Variants in VWF observed in about 807,000 individuals in gnomAD.
VWF encodes Factor VIII related antigen.
VWF carries 176 observed loss-of-function variants against 308.6 expected under a neutral mutation model. The observed-to-expected ratio is 0.57, with a 90% CI of 0.50 to 0.65. The LOEUF (loss-of-function observed/expected upper bound fraction) is 0.65. VWF is among the 30% of genes least tolerant of loss of function. The pLI is 0.00. For synonymous variants in VWF, 1,385 were observed against 1,443.4 expected (o/e 0.96, Z 0.92); for missense variants, 3,146 against 3,648.2 (o/e 0.86, Z 3.55).
intron 43 of VWF, 108 bp from the exon 44 acceptor site, chr12:5,971,817 T>C: frequency 4.4e-6 from 4 of 902,972 alleles, no homozygotes; most frequent in Non-Finnish European, 7.2e-6. Context: ...AAGTGATCAC[T>C]GGTCTGGGCA....
intron 18 of VWF, among the ~76,000 whole-genome samples, chr12:6,038,305 A>C (rs1944359541): frequency 6.6e-6 from 1 of 152,212 alleles, no homozygotes; most frequent in African/African-American, 2.4e-5. Context: ...GATGCCTTAC[A>C]GTCAACGGAA....
At chr12:6,103,518 A>G (rs1591920160) in intron 5 of VWF, among the ~76,000 whole-genome samples, 2 of 138,670 alleles carry the variant, frequency 1.4e-5, no homozygotes, top group South Asian at 2.2e-4. Flanking sequence ...ATATATACAC[A>G]CATATGTGTA....
At chr12:5,991,171 A>T (rs1008112815) in intron 38 of VWF, among the ~76,000 whole-genome samples, 8 of 104,156 alleles carry the variant, frequency 7.7e-5, no homozygotes, top group Non-Finnish European at 1.3e-4. Context: ...GGATTCTCAC[A>T]CACACACACA....
chr12:6,092,441 C>G (rs111936327), intron 6 of VWF, among the ~76,000 whole-genome samples: 3 of 151,946 alleles, frequency 2.0e-5, no homozygotes, highest in African/African-American at 7.3e-5. Context: ...CTCCCAGGTT[C>G]AAGCCATCTT....
At chr12:6,101,785 A>T (rs1315966180) in intron 5 of VWF, among the ~76,000 whole-genome samples, 3 of 152,228 alleles carry the variant, frequency 2.0e-5, no homozygotes, top group East Asian at 1.9e-4. Context: ...AAAAAGAAAA[A>T]AATAATAATA....
Position 6,025,974 on chromosome 12 carries a change from C to T in VWF, c.3040G>A (p.Val1014Met), listed in dbSNP as rs758969074. The change falls in exon 23 of 52, where the codon GTG becomes ATG. Residue 1014 changes from valine (V) to methionine (M), a missense_variant. By Grantham distance (21) the Val-to-Met change is conservative. This residue lies in a region of VWF where 1,304 missense variants were observed against 1,353.0 expected (regional missense o/e 0.96). Coordinates refer to ENST00000261405, the MANE Select transcript of VWF (RefSeq NM_000552.5). ...NNDLTSSNLQ[V>M]EEDPVDFGNS... Reference sequence around the variant, plus strand: ...CCAAAGTCCACAGGGTCTTCCTCCACTTGGAGGTTGCTGCTGGTGAGGTCA... The same window carrying T: ...CCAAAGTCCACAGGGTCTTCCTCCATTTGGAGGTTGCTGCTGGTGAGGTCA... The T allele has an allele frequency of 1.9e-6, 3 of 1,613,884 alleles. No individual in the cohort carries two copies. Among genetic ancestry groups the T allele is most frequent in the African/African-American group, 1.3e-5 (1 of 74,928 alleles).
At position 6,011,616 on chromosome 12, in the gene VWF, C is replaced by T; in HGVS notation, c.5842+1G>A. On this transcript the variant is annotated splice_donor_variant, in intron 34 of 51. Coordinates refer to ENST00000261405, the MANE Select transcript of VWF (RefSeq NM_000552.5). LOFTEE classifies it high-confidence loss of function. ...CCTGGCTGGAGAAGCAAAGGACTCA[C>T]AGGGGCAGGTCCAGCGGCAGCCACA... 1 of 1,606,216 alleles carries T rather than the reference C, an allele frequency of 6.2e-7. No homozygotes were observed. Among genetic ancestry groups the T allele is most frequent in the Non-Finnish European group, 8.5e-7 (1 of 1,177,322 alleles).
At chr12:6,085,421 A>T (rs1477052044) in intron 6 of VWF, among the ~76,000 whole-genome samples, 1 of 152,172 alleles carries the variant, frequency 6.6e-6, no homozygotes, top group Non-Finnish European at 1.5e-5. Flanking sequence ...ACGTTGTATC[A>T]CGCAAGCCAT....
intron 6 of VWF, 76 bp downstream of exon 6, chr12:6,095,384 T>C (rs1021125270): frequency 1.2e-6 from 2 of 1,605,390 alleles, no homozygotes; most frequent in African/African-American, 2.7e-5. Context: ...TGGAAGGATA[T>C]GAGACTGAGT....
intron 1 of VWF, among the ~76,000 whole-genome samples, chr12:6,123,621 A>G (rs1945456074): frequency 6.6e-6 from 1 of 152,176 alleles, no homozygotes; most frequent in Non-Finnish European, 1.5e-5. Context: ...CAGCCCAGAC[A>G]TAGAGAATGC....
At position 5,982,531 on chromosome 12, in the gene VWF, T is replaced by C. The variant is rs190156617; in HGVS notation, c.7082-540A>G. On this transcript the variant is annotated intron_variant, in intron 41 of 51. Coordinates refer to ENST00000261405, the MANE Select transcript of VWF (RefSeq NM_000552.5). ...AAATCCTGTCCCTGTGTCCTTTGCC[T>C]GTTTCCAGCTCCCTTCAAACACAAT... Among the ~76,000 whole-genome samples the C allele has an allele frequency of 7.7e-3, 1,168 of 152,310 alleles. 6 individuals carry two copies. Among genetic ancestry groups the C allele is most frequent in the Admixed American group, 0.015 (226 of 15,298 alleles).
chr12:6,112,279 G>GA (rs1945316494), intron 3 of VWF, among the ~76,000 whole-genome samples: 1 of 152,134 alleles, frequency 6.6e-6, no homozygotes, highest in Admixed American at 6.6e-5. Flanking sequence ...CATGAAAGAG[G>GA]AAACACAGGC....
intron 7 of VWF, 140 bp from the exon 8 acceptor site, chr12:6,073,881 C>G (rs544593764): frequency 7.5e-7 from 1 of 1,331,986 alleles, no homozygotes; most frequent in African/African-American, 1.5e-5. Context: ...CTTCTCACCC[C>G]CAGTGAGCCA....
chr12:5,987,540 C>T (rs1394393644), intron 38 of VWF, among the ~76,000 whole-genome samples: 1 of 152,224 alleles, frequency 6.6e-6, no homozygotes, highest in African/African-American at 2.4e-5. Flanking sequence ...CAGGTCTGAA[C>T]ACACCATCCT....
At chr12:6,085,303 T>A (rs1320546424) in intron 6 of VWF, among the ~76,000 whole-genome samples, 1 of 152,202 alleles carries the variant, frequency 6.6e-6, no homozygotes, top group African/African-American at 2.4e-5. Context: ...AGGAGCTAAT[T>A]CCCCTAAGCT....
rs750486293 is a variant in VWF at position 6,016,784 on chromosome 12, C to T, written c.5140G>A (p.Ala1714Thr). The change falls in exon 29 of 52, where the codon GCC becomes ACC. Residue 1714 changes from alanine (A) to threonine (T), a missense_variant. Ala to Thr is a moderately conservative substitution (Grantham distance 58). Coordinates refer to ENST00000261405, the MANE Select transcript of VWF (RefSeq NM_000552.5). ...TTGGCTTTTGAAATGAAAGCCTTGG[C>T]GAAACTCTTCATTTCATCAAAATAA... ...ASYFDEMKSF[A>T]KAFISKANIG... The T allele has an allele frequency of 5.0e-6, 8 of 1,613,952 alleles. No homozygotes were observed. The highest frequency in any genetic ancestry group is 4.0e-5 in the African/African-American group (3 of 74,916).
chr12:6,090,962 A>G (rs1358534557), intron 6 of VWF, among the ~76,000 whole-genome samples: 1 of 152,226 alleles, frequency 6.6e-6, no homozygotes, highest in East Asian at 1.9e-4. Flanking sequence ...TCCACAAGAC[A>G]GCACCCTCCC....
At chr12:6,029,564 C>T in intron 21 of VWF, 76 bp from the exon 22 acceptor site, 1 of 1,583,504 alleles carries the variant, frequency 6.3e-7, no homozygotes, top group South Asian at 1.1e-5. Context: ...CCACTCTACA[C>T]CTGCCCATCT....
At chr12:6,086,360 T>C (rs573908796) in intron 6 of VWF, among the ~76,000 whole-genome samples, 1 of 152,274 alleles carries the variant, frequency 6.6e-6, no homozygotes, top group Non-Finnish European at 1.5e-5. Context: ...AGCTCTGAGC[T>C]TGGTGTCACT....
Sources: allele counts gnomAD v4.1 joint callset (sites outside exome capture counted in the v4.1 genomes callset), GRCh38; gene constraint gnomAD v4.1.1; regional missense constraint gnomAD v4.1.1; transcripts MANE v1.5; gene names NCBI Gene and HGNC (gene_info 2026-07-23, HGNC 2026-07-21).